The following CYP7B1 variants were observed in gnomAD, a reference collection of about 807,000 sequenced individuals.
The protein encoded by CYP7B1 is cytochrome P450 family 7 subfamily B member 1.
CYP7B1 carries 29 observed loss-of-function variants against 42.7 expected under a neutral mutation model. The ratio of observed to expected loss-of-function variants is 0.68; its 90% CI spans 0.51 to 0.93. The LOEUF (loss-of-function observed/expected upper bound fraction) is 0.93, where lower values mean the gene tolerates loss of function less well. CYP7B1 is among the 40% of genes least tolerant of loss of function. The pLI, the probability that CYP7B1 is intolerant of heterozygous loss-of-function variation, is 0.00. For synonymous variants in CYP7B1, 235 were observed against 218.2 expected (o/e 1.08, Z -0.68); for missense variants, 655 against 600.5 (o/e 1.09, Z -0.95).
intron 1 of CYP7B1, among the ~76,000 whole-genome samples, chr8:64,729,299 T>C (rs1807373648): frequency 6.6e-6 from 1 of 152,208 alleles, no homozygotes; most frequent in Non-Finnish European, 1.5e-5. Flanking sequence ...CATTACTTGA[T>C]CAGAACATAC....
rs563892941 is a variant in CYP7B1, at chr8:64,604,991, C to T, written c.1058-134G>A. 9 of 1,086,396 alleles carry T rather than the reference C, an allele frequency of 8.3e-6. No individual in the cohort carries two copies. The African/African-American group carries it at 1.2e-4, about 15-fold the overall frequency. 67.3% of individuals were successfully genotyped at this position (1,086,396 alleles called of 1,614,324 possible). ...GTTTCTTCATCACATACATTGAGCA[C>T]CAAGAGGGAGCCAAGGGTGGCTGTG... On this transcript the variant is annotated intron_variant, in intron 4 of 5. Coordinates refer to ENST00000310193, the MANE Select transcript of CYP7B1 (RefSeq NM_004820.5).
rs1224179992 is a variant in CYP7B1 at position 64,798,631 on chromosome 8, C to T, written c.-44G>A. The T allele has an allele frequency of 2.1e-6, 3 of 1,443,374 alleles. No individual in the cohort carries two copies. Among genetic ancestry groups the T allele is most frequent in the Admixed American group, 5.5e-5 (2 of 36,094 alleles). The allele number at this position is 1,443,374 out of a possible 1,614,324, so 89.4% of individuals were successfully genotyped here. On this transcript the variant is annotated 5_prime_UTR_variant, in exon 1 of 6. Coordinates refer to ENST00000310193, the MANE Select transcript of CYP7B1 (RefSeq NM_004820.5). ...CGGTGGGCAGCCCGGGGTCTGCCTG[C>T]GAACAGCGCGGTCGGCGACTCTGCA...
chr8:64,704,792 C>G (rs1386899393), intron 1 of CYP7B1, among the ~76,000 whole-genome samples: 1 of 152,008 alleles, frequency 6.6e-6, no homozygotes, highest in African/African-American at 2.4e-5. Context: ...AAATATCCAA[C>G]AAAATAATAT....
At chr8:64,767,867 C>T (rs973169948) in intron 1 of CYP7B1, among the ~76,000 whole-genome samples, 1 of 152,172 alleles carries the variant, frequency 6.6e-6, no homozygotes, top group African/African-American at 2.4e-5. Flanking sequence ...ACCCCTGGAC[C>T]AGCCTGCTAG....
chr8:64,649,875 T>C (rs79585789), intron 1 of CYP7B1, among the ~76,000 whole-genome samples: 4,874 of 152,320 alleles, frequency 0.032, 235 homozygotes, highest in African/African-American at 0.11. Context: ...GATATGTATA[T>C]TCAAAGTTCT....
At chr8:64,617,692 G>A (rs990679781) in intron 2 of CYP7B1, among the ~76,000 whole-genome samples, 1 of 151,994 alleles carries the variant, frequency 6.6e-6, no homozygotes, top group Non-Finnish European at 1.5e-5. Flanking sequence ...GTGTGTCTGT[G>A]TGTGTGTGTG....
chr8:64,691,897 A>G (rs1277519543), intron 1 of CYP7B1, among the ~76,000 whole-genome samples: 3 of 152,198 alleles, frequency 2.0e-5, no homozygotes, highest in Non-Finnish European at 4.4e-5. Context: ...GTTACTGTGA[A>G]CACCCAAAGG....
At position 64,593,252 on chromosome 8, in the gene CYP7B1, T is replaced by TG. The variant is rs1251662063; in HGVS notation, c.*3389dup. Reference sequence around the variant, plus strand: ...CCCAGGGTGTGTGTGTGTGTGTGTGTGTGTGTGTGTGTGTGTGTGTGTGTG... The same window carrying TG: ...CCCAGGGTGTGTGTGTGTGTGTGTGTGGTGTGTGTGTGTGTGTGTGTGTGTG... On this transcript the variant is annotated 3_prime_UTR_variant, in exon 6 of 6. Coordinates refer to ENST00000310193, the MANE Select transcript of CYP7B1 (RefSeq NM_004820.5). Among the ~76,000 whole-genome samples, 18 of 149,726 alleles carry TG rather than the reference T, an allele frequency of 1.2e-4. No individual in the cohort carries two copies. The highest frequency in any genetic ancestry group is 6.0e-4 in the Admixed American group (9 of 15,040).
At chr8:64,742,389 G>A (rs1807583181) in intron 1 of CYP7B1, among the ~76,000 whole-genome samples, 1 of 152,022 alleles carries the variant, frequency 6.6e-6, no homozygotes, top group Admixed American at 6.6e-5. Flanking sequence ...TAGTGGTAGA[G>A]AAATGTGTTA....
At chr8:64,708,726 G>A (rs1238704107) in intron 1 of CYP7B1, among the ~76,000 whole-genome samples, 1 of 152,130 alleles carries the variant, frequency 6.6e-6, no homozygotes, top group Non-Finnish European at 1.5e-5. Flanking sequence ...ATTCTTGAGT[G>A]TATATAATAC....
At chr8:64,610,593 C>T (rs1335463097) in intron 4 of CYP7B1, among the ~76,000 whole-genome samples, 1 of 152,008 alleles carries the variant, frequency 6.6e-6, no homozygotes, top group Non-Finnish European at 1.5e-5. Context: ...TATAGGAATG[C>T]TCTCTATTAT....
At position 64,593,232 on chromosome 8, in the gene CYP7B1, G is replaced by GGGT. The variant is rs1285868725; in HGVS notation, c.*3409_*3410insACC. Reference sequence around the variant, plus strand: ...TGGTGGACTAAAGGCTAGGGCCCAGGGTGTGTGTGTGTGTGTGTGTGTGTG... The same window carrying GGGT: ...TGGTGGACTAAAGGCTAGGGCCCAGGGGTGTGTGTGTGTGTGTGTGTGTGTGTG... On this transcript the variant is annotated 3_prime_UTR_variant, in exon 6 of 6. Transcript: ENST00000310193. 1.6e-5 allele frequency among the ~76,000 whole-genome samples: 2 copies of GGGT among 123,454 alleles called. No individual in the cohort carries two copies. Among genetic ancestry groups the GGGT allele is most frequent in the South Asian group, 2.8e-4 (1 of 3,570 alleles). The allele number at this position is 123,454 out of a possible 152,430, so 81.0% of individuals were successfully genotyped here.
intron 1 of CYP7B1, among the ~76,000 whole-genome samples, chr8:64,653,521 C>G (rs1322240636): frequency 6.6e-6 from 1 of 150,944 alleles, no homozygotes; most frequent in South Asian, 2.1e-4. Flanking sequence ...GCCTACCAAC[C>G]AAAAAAAGCC....
intron 1 of CYP7B1, among the ~76,000 whole-genome samples, chr8:64,663,166 T>C (rs1266190028): frequency 6.6e-6 from 1 of 152,228 alleles, no homozygotes; most frequent in Non-Finnish European, 1.5e-5. Context: ...AGAAGATAAC[T>C]GCTTTATTTT....
chr8:64,798,540 C>T lies in CYP7B1; in HGVS notation c.48G>A (p.Arg16=). 1 of 1,497,860 alleles carries T rather than the reference C, an allele frequency of 6.7e-7. No individual in the cohort carries two copies. Among genetic ancestry groups the T allele is most frequent in the Non-Finnish European group, 8.8e-7 (1 of 1,132,488 alleles). The allele number at this position is 1,497,860 out of a possible 1,614,324, so 92.8% of individuals were successfully genotyped here. A position where few individuals can be genotyped will look rare whatever the true frequency, so the allele number is the denominator to read the frequency against. ...SAATGRFSLE[R]LGLPGLALAA... ...CGAGGGCCAGGCCCGGGAGGCCCAACCGCTCCAGCGAAAAGCGGCCCGTGG... is the reference window on the plus strand; with the variant it reads ...CGAGGGCCAGGCCCGGGAGGCCCAATCGCTCCAGCGAAAAGCGGCCCGTGG... Residue 16 remains arginine, a synonymous_variant, in exon 1 of 6, where the codon CGG becomes CGA. Coordinates refer to ENST00000310193, the MANE Select transcript of CYP7B1 (RefSeq NM_004820.5).
At chr8:64,788,645 T>C (rs942603565) in intron 1 of CYP7B1, among the ~76,000 whole-genome samples, 2 of 152,240 alleles carry the variant, frequency 1.3e-5, no homozygotes, top group African/African-American at 4.8e-5. Flanking sequence ...AATAATTGGG[T>C]AAATAATAAT....
intron 4 of CYP7B1, among the ~76,000 whole-genome samples, chr8:64,610,169 TTC>T (rs1250658052): frequency 1.3e-5 from 2 of 152,216 alleles, no homozygotes. Flanking sequence ...TCCTTTCAGA[TTC>T]TGTTTCCAGC....
intron 2 of CYP7B1, among the ~76,000 whole-genome samples, chr8:64,622,950 T>C (rs565912238): frequency 1.3e-5 from 2 of 151,726 alleles, no homozygotes; most frequent in Admixed American, 1.3e-4. Context: ...CCAGTGAGAG[T>C]GGGGAGTGAG....
chr8:64,666,733 A>C (rs1484059500), intron 1 of CYP7B1, among the ~76,000 whole-genome samples: 2 of 152,244 alleles, frequency 1.3e-5, no homozygotes, highest in Non-Finnish European at 2.9e-5. Context: ...CCTCTTCAAC[A>C]GTATTGTCAC....
Sources: allele counts gnomAD v4.1 joint callset (sites outside exome capture counted in the v4.1 genomes callset), GRCh38; gene constraint gnomAD v4.1.1; transcripts MANE v1.5; gene names NCBI Gene and HGNC (gene_info 2026-07-23, HGNC 2026-07-21).